NPAS4: variants seen among roughly 807,000 people sequenced by gnomAD.
NPAS4 encodes the protein neuronal PAS domain-containing protein 4.
Under a neutral mutation model 64.0 loss-of-function variants are expected in NPAS4, and 10 were observed. The observed-to-expected ratio is 0.16, with a 90% CI of 0.10 to 0.26. NPAS4 has a LOEUF of 0.26. NPAS4 is among the 10% of genes least tolerant of loss of function. The probability of loss-of-function intolerance (pLI) is 1.00; values close to 1 mark genes in which losing one functional copy is unlikely to be tolerated. For missense variants in NPAS4, 886 were observed against 992.6 expected (o/e 0.89, Z 1.44); for synonymous variants, 441 against 411.7 (o/e 1.07, Z -0.86).
chr11:66,411,683 C>T, the NPAS4 span, among the ~76,000 whole-genome samples: 2 of 152,316 alleles, frequency 1.3e-5, no homozygotes, highest in East Asian at 1.9e-4. Context: ...CATCAGCAGC[C>T]GTAAGGGTCA....
At chr11:66,411,295 G>A in the NPAS4 span, among the ~76,000 whole-genome samples, 1 of 152,146 alleles carries the variant, frequency 6.6e-6, no homozygotes, top group African/African-American at 2.4e-5. Context: ...CAGAGGTTGG[G>A]AGGGCCCTTT....
At position 66,426,317 on chromosome 11, in the gene NPAS4, A is replaced by C. The variant is rs1022054102; in HGVS notation, c.*328A>C. 3.7e-5 allele frequency: 10 copies of C among 271,988 alleles called. No individual in the cohort carries two copies. The East Asian group carries it at 6.4e-4, about 17-fold the overall frequency. 16.8% of individuals were successfully genotyped at this position (271,988 alleles called of 1,614,324 possible). A position where few individuals can be genotyped will look rare whatever the true frequency, so the allele number is the denominator to read the frequency against. On this transcript the variant is annotated 3_prime_UTR_variant, in exon 8 of 8. Coordinates refer to ENST00000311034, the MANE Select transcript of NPAS4 (RefSeq NM_178864.4). The stretch of plus-strand genomic sequence containing the variant: ...CCCCATTGGCCTGGGCCAGTTCTCC[A>C]CTCCTAGGGGCCAAGCCACCCCTAG...
At position 66,421,140 on chromosome 11, in the gene NPAS4, G is replaced by GT; in HGVS notation, c.-39dup. On this transcript the variant is annotated 5_prime_UTR_variant, in exon 1 of 8. Coordinates refer to ENST00000311034, the MANE Select transcript of NPAS4 (RefSeq NM_178864.4). ...CCGGTGCGTCGGGACGGGAGCGCAG[G>GT]TGCTCGGGCACCCGAGCTGGAGCTC... The GT allele has an allele frequency of 6.5e-7, 1 of 1,549,464 alleles. No homozygotes were observed. The highest frequency in any genetic ancestry group is 8.7e-7 in the Non-Finnish European group (1 of 1,143,370).
chr11:66,414,908 C>G, the NPAS4 span, among the ~76,000 whole-genome samples: 18 of 152,310 alleles, frequency 1.2e-4, no homozygotes, highest in Admixed American at 1.0e-3. Context: ...GTGGATTTAT[C>G]TCATTCTAGC....
chr11:66,423,036 G>T (rs971574298), intron 4 of NPAS4, 87 bp from the exon 5 acceptor site: 11 of 1,519,110 alleles, frequency 7.2e-6, no homozygotes, highest in South Asian at 3.5e-5. Flanking sequence ...TGGGGTTTAG[G>T]GGGGCAGAGG....
rs1220430443 is a variant in NPAS4, at chr11:66,422,890, T to C, written c.647T>C (p.Met216Thr). The C allele has an allele frequency of 1.2e-6, 2 of 1,610,312 alleles. No homozygotes were observed. The highest frequency in any genetic ancestry group is 3.3e-5 in the Admixed American group (2 of 60,028). ...GPGPASLFLA[M>T]FQSRHAKDLA... ...GGCCCTGCCTCGCTCTTCCTGGCCA[T>C]GTTCCAGAGCCGCCATGCTAAAGAC... is the stretch of plus-strand genomic sequence containing the variant. Residue 216 changes from methionine to threonine, a missense_variant, in exon 4 of 8, where the codon ATG becomes ACG. This residue lies in a region of NPAS4 where 820 missense variants were observed against 855.5 expected (regional missense o/e 0.96). Transcript: ENST00000311034.
chr11:66,421,058 C>A lies in NPAS4; in HGVS notation c.-122C>A. The A allele has an allele frequency of 1.2e-6, 1 of 835,336 alleles. No individual in the cohort carries two copies. Among genetic ancestry groups the A allele is most frequent in the Non-Finnish European group, 1.8e-6 (1 of 541,202 alleles). 51.7% of individuals were successfully genotyped at this position (835,336 alleles called of 1,614,324 possible). A position where few individuals can be genotyped will look rare whatever the true frequency, so the allele number is the denominator to read the frequency against. On this transcript the variant is annotated 5_prime_UTR_variant, in exon 1 of 8. Transcript: ENST00000311034. ...GGGGGCAGCGCAGCCGAGCGGAGCC[C>A]AGGAGAGCAGAGAGCGAGCCTGAGC...
intron 1 of NPAS4, among the ~76,000 whole-genome samples, chr11:66,421,559 C>A (rs2134641056): frequency 6.6e-6 from 1 of 152,380 alleles, no homozygotes; most frequent in East Asian, 1.9e-4. Flanking sequence ...GTTAGAGAGC[C>A]TGGACGGTGT....
At position 66,425,015 on chromosome 11, in the gene NPAS4, C is replaced by T; in HGVS notation, c.2125C>T (p.Pro709Ser). Residue 709 changes from proline (P) to serine (S), a missense_variant, in exon 7 of 8, where the codon CCC becomes TCC. Around this residue, in one of 3 missense-constraint regions of NPAS4, gnomAD observed 820 missense variants for 855.5 expected, o/e 0.96. Coordinates refer to ENST00000311034, the MANE Select transcript of NPAS4 (RefSeq NM_178864.4). The stretch of plus-strand genomic sequence containing the variant: ...TGATAACATGTTCCTGGAAGAGACG[C>T]CCGTGGAAGACATCTTCATGGATCT... ...DPDNMFLEET[P>S]VEDIFMDLST... 6.2e-7 allele frequency: 1 copy of T among 1,613,910 alleles called. No homozygotes were observed. Among genetic ancestry groups the T allele is most frequent in the Non-Finnish European group, 8.5e-7 (1 of 1,179,898 alleles).
Position 66,422,664 on chromosome 11 carries a change from A to G in NPAS4, c.431-10A>G. The G allele has an allele frequency of 1.2e-6, 2 of 1,613,242 alleles. No homozygotes were observed. Among genetic ancestry groups the G allele is most frequent in the Non-Finnish European group, 8.5e-7 (1 of 1,179,614 alleles). Reference sequence around the variant, plus strand: ...CACCCTCTTATCTGTTTTTCTCTTCATCTATCTAGATCGCCTCTTCCGCTG... The same window carrying G: ...CACCCTCTTATCTGTTTTTCTCTTCGTCTATCTAGATCGCCTCTTCCGCTG... On this transcript the variant is annotated splice_polypyrimidine_tract_variant and intron_variant, in intron 3 of 7. Transcript: ENST00000311034.
chr11:66,421,985 C>G (rs937224755), intron 1 of NPAS4, 135 bp from the exon 2 acceptor site: 12 of 725,164 alleles, frequency 1.7e-5, no homozygotes, highest in Non-Finnish European at 2.5e-5. Flanking sequence ...CTGCGGGCAG[C>G]GGGTCAACAG....
upstream of NPAS4, among the ~76,000 whole-genome samples, chr11:66,420,642 G>T (rs995672719): frequency 2.0e-5 from 3 of 152,196 alleles, no homozygotes; most frequent in Admixed American, 2.0e-4. Context: ...GTCAGTGCCG[G>T]CCCCTCTCTG....
At position 66,421,106 on chromosome 11, in the gene NPAS4, A is replaced by G; in HGVS notation, c.-74A>G. 7.6e-7 allele frequency: 1 copy of G among 1,322,754 alleles called. No homozygotes were observed. Among genetic ancestry groups the G allele is most frequent in the Non-Finnish European group, 1.0e-6 (1 of 955,082 alleles). The allele number at this position is 1,322,754 out of a possible 1,614,324, so 81.9% of individuals were successfully genotyped here. ...AGCGAGAGACGGGGAAGCACGGAGG[A>G]GGAAGCCGCCGGTGCGTCGGGACGG... On this transcript the variant is annotated 5_prime_UTR_variant, in exon 1 of 8. Coordinates refer to ENST00000311034, the MANE Select transcript of NPAS4 (RefSeq NM_178864.4).
upstream of NPAS4, among the ~76,000 whole-genome samples, chr11:66,420,494 A>C (rs1856724404): frequency 6.6e-6 from 1 of 152,220 alleles, no homozygotes; most frequent in Admixed American, 6.5e-5. Context: ...GAGGAACCCC[A>C]GCAGTGACCT....
chr11:66,411,914 G>T, the NPAS4 span, among the ~76,000 whole-genome samples: 1 of 152,218 alleles, frequency 6.6e-6, no homozygotes, highest in Non-Finnish European at 1.5e-5. Context: ...GGGCCTGTGA[G>T]AGTAATGATG....
rs200099272 is a variant in NPAS4, at chr11:66,426,038, C to T, written c.*49C>T. ...CAAGTATGGCATATTGTCATCAAGA[C>T]GTGGAGCCGCTCTCCACCCCCCCGG... On this transcript the variant is annotated 3_prime_UTR_variant, in exon 8 of 8. Coordinates refer to ENST00000311034, the MANE Select transcript of NPAS4 (RefSeq NM_178864.4). 137 of 1,392,062 alleles carry T rather than the reference C, an allele frequency of 9.8e-5. No individual in the cohort carries two copies. Among genetic ancestry groups the T allele is most frequent in the Non-Finnish European group, 1.3e-4 (131 of 990,304 alleles). 86.2% of individuals were successfully genotyped at this position (1,392,062 alleles called of 1,614,324 possible). A position where few individuals can be genotyped will look rare whatever the true frequency, so the allele number is the denominator to read the frequency against.
In NPAS4 at chr11:66,422,769, C is replaced by T; in HGVS notation, c.526C>T (p.His176Tyr). Residue 176 changes from histidine to tyrosine, a missense_variant, in exon 4 of 8, where the codon CAC (histidine) becomes TAC (tyrosine). This residue lies in a region of NPAS4 where 820 missense variants were observed against 855.5 expected (regional missense o/e 0.96). Coordinates refer to ENST00000311034, the MANE Select transcript of NPAS4 (RefSeq NM_178864.4). ...GCTTATTCGAGGCCGATTCCATGCT[C>T]ACCCACCTGGAGCCTACTGGGCAGG... ...LVLIRGRFHA[H>Y]PPGAYWAGNP... The T allele has an allele frequency of 6.2e-7, 1 of 1,614,226 alleles. No individual in the cohort carries two copies. Among genetic ancestry groups the T allele is most frequent in the Non-Finnish European group, 8.5e-7 (1 of 1,180,042 alleles).
upstream of NPAS4, among the ~76,000 whole-genome samples, chr11:66,419,153 A>T (rs961943267): frequency 6.6e-6 from 1 of 152,030 alleles, no homozygotes; most frequent in Non-Finnish European, 1.5e-5. Context: ...AGCAACACAG[A>T]CCCATGTCCA....
chr11:66,415,902 T>G, the NPAS4 span, among the ~76,000 whole-genome samples: 1 of 152,180 alleles, frequency 6.6e-6, no homozygotes, highest in African/African-American at 2.4e-5. Context: ...GTGGGAGGAT[T>G]GCTTGAGGTC....
Sources: gnomAD v4.1 joint callset for allele counts (sites outside exome capture counted in the v4.1 genomes callset) on GRCh38, gnomAD v4.1.1 for gene constraint, gnomAD v4.1.1 regional missense constraint, MANE v1.5 for transcripts, NCBI Gene and HGNC (gene_info 2026-07-23, HGNC 2026-07-21) for gene names.